The following ADAMTSL1 variants were observed in gnomAD, a reference collection of about 807,000 sequenced individuals.
The protein encoded by ADAMTSL1 is ADAMTS-like protein 1.
In ADAMTSL1, 126 loss-of-function variants were observed where a neutral mutation model predicts 201.8. The observed-to-expected ratio is 0.62, with a 90% confidence interval of 0.54 to 0.72. ADAMTSL1 has a LOEUF of 0.72. ADAMTSL1 is among the 30% of genes least tolerant of loss of function. The pLI, the probability that ADAMTSL1 is intolerant of heterozygous loss-of-function variation, is 0.00. For missense variants in ADAMTSL1, 2,679 were observed against 2,277.8 expected (o/e 1.18, Z -3.59); for synonymous variants, 1,121 against 903.4 (o/e 1.24, Z -4.32).
chr9:18,254,912 C>G (rs938769950), intron 2 of ADAMTSL1, among the ~76,000 whole-genome samples: 1 of 152,060 alleles, frequency 6.6e-6, no homozygotes, highest in Admixed American at 6.5e-5. Context: ...AATTGGTAAT[C>G]TTCCCTTGTC....
At position 18,657,691 on chromosome 9, in the gene ADAMTSL1, C is replaced by T; in HGVS notation, c.887C>T (p.Pro296Leu). The change falls in exon 8 of 29, where the codon CCC (proline) becomes CTC (leucine). Residue 296 changes from proline to leucine, a missense_variant. Transcript: ENST00000380548. ...DSTVQFIFYQ[P>L]IIHRWRETDF... The stretch of plus-strand genomic sequence containing the variant: ...ACAGTCCAGTTCATCTTCTATCAAC[C>T]CATCATCCACCGATGGAGGGAGACG... The T allele has an allele frequency of 1.2e-6, 2 of 1,614,220 alleles. No homozygotes were observed. Among genetic ancestry groups the T allele is most frequent in the Non-Finnish European group, 1.7e-6 (2 of 1,180,036 alleles).
In ADAMTSL1 at chr9:18,908,505, G is replaced by C. The variant is rs1475352498; in HGVS notation, c.5246G>C (p.Ser1749Thr). 2.6e-6 allele frequency: 4 copies of C among 1,564,130 alleles called. No individual in the cohort carries two copies. Among genetic ancestry groups the C allele is most frequent in the Middle Eastern group, 3.3e-4 (2 of 6,012 alleles). The change falls in exon 29 of 29, where the codon AGC (serine) becomes ACC (threonine). Residue 1749 changes from serine (S) to threonine (T), a missense_variant. Coordinates refer to ENST00000380548, the MANE Select transcript of ADAMTSL1 (RefSeq NM_001040272.6). ...AAACAGCTGAAACTCTGCCAACTCA[G>C]CCAGTTTAAATCTCGCTGCTGTGGA... ...KVKQLKLCQL[S>T]QFKSRCCGTC...
At chr9:18,225,371 G>A (rs1830403477) in intron 2 of ADAMTSL1, among the ~76,000 whole-genome samples, 1 of 152,116 alleles carries the variant, frequency 6.6e-6, no homozygotes, top group Non-Finnish European at 1.5e-5. Context: ...ACTGGGTTAT[G>A]ATTTATATCA....
chr9:17,978,017 C>G (rs766234883), intron 1 of ADAMTSL1, among the ~76,000 whole-genome samples: 5 of 152,046 alleles, frequency 3.3e-5, no homozygotes, highest in Non-Finnish European at 5.9e-5. Flanking sequence ...TGTTTCTATT[C>G]TCTTGATTAA....
chr9:18,776,118 C>T (rs4295757), intron 18 of ADAMTSL1, among the ~76,000 whole-genome samples: 3 of 151,862 alleles, frequency 2.0e-5, no homozygotes, highest in African/African-American at 7.3e-5. Flanking sequence ...AAACAGTTTG[C>T]AGGGGGGTAG....
Position 18,242,968 on chromosome 9 carries a change from C to A in ADAMTSL1, c.207+78987C>A, listed in dbSNP as rs1309637348. On this transcript the variant is annotated intron_variant, in intron 2 of 29. Coordinates refer to the ADAMTSL1 transcript ENST00000680146. ...GCAACATCTATCAAAATCCTAATGGCATTTTTACAAAAATAAGACAGTCCT... is the reference window on the plus strand; with the variant it reads ...GCAACATCTATCAAAATCCTAATGGAATTTTTACAAAAATAAGACAGTCCT... Among the ~76,000 whole-genome samples, 5 of 152,082 alleles carry A rather than the reference C, an allele frequency of 3.3e-5. No individual in the cohort carries two copies. In the East Asian group the frequency reaches 9.6e-4, roughly 29 times the overall value.
At chr9:18,215,525 T>G (rs1394972086) in intron 2 of ADAMTSL1, among the ~76,000 whole-genome samples, 1 of 152,212 alleles carries the variant, frequency 6.6e-6, no homozygotes, top group Non-Finnish European at 1.5e-5. Flanking sequence ...ATAATGAATA[T>G]CAGTCATCTT....
At chr9:18,902,225 A>C (rs1446620458) in intron 26 of ADAMTSL1, among the ~76,000 whole-genome samples, 1 of 152,242 alleles carries the variant, frequency 6.6e-6, no homozygotes, top group African/African-American at 2.4e-5. Flanking sequence ...TCAGTAAAGA[A>C]ACAGAGCAAC....
chr9:18,734,743 T>C (rs573351777), intron 15 of ADAMTSL1, among the ~76,000 whole-genome samples: 8 of 152,134 alleles, frequency 5.3e-5, no homozygotes, highest in Non-Finnish European at 1.2e-4. Context: ...TTAGAGCTGG[T>C]AAAATATTTT....
At chr9:18,102,516 T>C (rs1265269285) in intron 1 of ADAMTSL1, among the ~76,000 whole-genome samples, 1 of 152,216 alleles carries the variant, frequency 6.6e-6, no homozygotes, top group Non-Finnish European at 1.5e-5. Context: ...TCACTTCTAC[T>C]TGAAGGATTC....
chr9:18,750,224 G>A (rs922670838), intron 15 of ADAMTSL1, among the ~76,000 whole-genome samples: 1 of 151,984 alleles, frequency 6.6e-6, no homozygotes, highest in African/African-American at 2.4e-5. Context: ...TCATAAAATG[G>A]ACCCAGATCC....
intron 1 of ADAMTSL1, among the ~76,000 whole-genome samples, chr9:18,487,652 C>T (rs550422310): frequency 3.3e-5 from 5 of 152,224 alleles, no homozygotes; most frequent in African/African-American, 4.8e-5. Context: ...CCCATTTTAC[C>T]GGTAAGAAAA....
chr9:18,904,783 A>G (rs1364653033), intron 26 of ADAMTSL1, among the ~76,000 whole-genome samples: 3 of 133,854 alleles, frequency 2.2e-5, no homozygotes, highest in Non-Finnish European at 4.6e-5. Flanking sequence ...GTGTTTGTGA[A>G]TAATAGTGTC....
chr9:18,006,903 C>T lies in ADAMTSL1; in HGVS notation c.87+99981C>T, dbSNP rs185721918. On this transcript the variant is annotated intron_variant, in intron 1 of 29. Coordinates refer to the ADAMTSL1 transcript ENST00000680146. Reference sequence around the variant, plus strand: ...AGACTACCTAATTTGCTTTGTTTCACTGTTGATCATTAGATCGTTTGTCTA... The same window carrying T: ...AGACTACCTAATTTGCTTTGTTTCATTGTTGATCATTAGATCGTTTGTCTA... 4.6e-5 allele frequency among the ~76,000 whole-genome samples: 7 copies of T among 152,108 alleles called. No homozygotes were observed. In the East Asian group the frequency reaches 1.4e-3, roughly 30 times the overall value.
intron 9 of ADAMTSL1, 53 bp from the exon 10 acceptor site, chr9:18,675,804 A>C: frequency 6.7e-7 from 1 of 1,502,816 alleles, no homozygotes; most frequent in Non-Finnish European, 9.2e-7. Flanking sequence ...TTTAGTGTTT[A>C]TTTTATTGTG....
chr9:17,962,798 T>G (rs1269487882), intron 1 of ADAMTSL1, among the ~76,000 whole-genome samples: 3 of 152,258 alleles, frequency 2.0e-5, no homozygotes, highest in Non-Finnish European at 2.9e-5. Context: ...TCAACTTCTT[T>G]TCCTTTGAGG....
At chr9:18,840,260 C>T (rs1274675827) in intron 23 of ADAMTSL1, among the ~76,000 whole-genome samples, 1 of 152,006 alleles carries the variant, frequency 6.6e-6, no homozygotes, top group Non-Finnish European at 1.5e-5. Flanking sequence ...ATATGGCTAG[C>T]CAGTTTTCCC....
intron 2 of ADAMTSL1, among the ~76,000 whole-genome samples, chr9:18,268,122 G>A (rs771928460): frequency 3.3e-5 from 5 of 152,080 alleles, no homozygotes; most frequent in Non-Finnish European, 7.4e-5. Flanking sequence ...ATAAAGCTTT[G>A]GAAGCTGAAT....
chr9:18,245,993 A>AATTGTTGCTAT (rs1296541034), intron 2 of ADAMTSL1, among the ~76,000 whole-genome samples: 1 of 152,278 alleles, frequency 6.6e-6, no homozygotes, highest in South Asian at 2.1e-4. Context: ...AAGAATGGCG[A>AATTGTTGCTAT]ATTGTTGCTA....
Sources: gnomAD v4.1 joint callset for allele counts (sites outside exome capture counted in the v4.1 genomes callset) on GRCh38, gnomAD v4.1.1 for gene constraint, MANE v1.5 for transcripts, NCBI Gene and HGNC (gene_info 2026-07-23, HGNC 2026-07-21) for gene names.